SLC17A6: variants seen among roughly 807,000 people sequenced by gnomAD.
The protein encoded by SLC17A6 is vesicular glutamate transporter 2.
In SLC17A6, 35 loss-of-function variants were observed where a neutral mutation model predicts 67.1. The ratio of observed to expected loss-of-function variants is 0.52; its 90% CI spans 0.40 to 0.69. The LOEUF (loss-of-function observed/expected upper bound fraction) is 0.69. Among genes scored for constraint, SLC17A6 ranks in the 30% least tolerant of loss-of-function variants. SLC17A6 has a pLI of 0.00. For synonymous variants in SLC17A6, 285 were observed against 252.3 expected (o/e 1.13, Z -1.23); for missense variants, 588 against 723.9 (o/e 0.81, Z 2.15).
rs192785220 is a variant in SLC17A6 at position 22,369,071 on chromosome 11, C to G, written c.892-968C>G. 5.8e-4 allele frequency among the ~76,000 whole-genome samples: 74 copies of G among 126,530 alleles called. No homozygotes were observed. The East Asian group carries it at 0.014, about 24-fold the overall frequency. 83.0% of individuals were successfully genotyped at this position (126,530 alleles called of 152,430 possible). ...CGTGAAAGGTGTTTGCTTCCTCTTT[C>G]AGTAATTTAGTTAGGTCAAGGATCC... On this transcript the variant is annotated intron_variant, in intron 7 of 11. Transcript: ENST00000263160.
rs537182564 is a variant in SLC17A6, at chr11:22,360,530, C to G, written c.574-367C>G. Among the ~76,000 whole-genome samples, 9 of 137,890 alleles carry G rather than the reference C, an allele frequency of 6.5e-5. No individual in the cohort carries two copies. The East Asian group carries it at 8.5e-4, about 13-fold the overall frequency. The allele number at this position is 137,890 out of a possible 152,430, so 90.5% of individuals were successfully genotyped here. On this transcript the variant is annotated intron_variant, in intron 4 of 11. Coordinates refer to ENST00000263160, the MANE Select transcript of SLC17A6 (RefSeq NM_020346.3). ...AACCAAAAAACCCGCTCTCCTTCCCCCCCCCCCAAAAAAAAGATAGGTTCA... is the reference window on the plus strand; with the variant it reads ...AACCAAAAAACCCGCTCTCCTTCCCGCCCCCCCAAAAAAAAGATAGGTTCA...
At chr11:22,353,814 T>C (rs1855967836) in intron 3 of SLC17A6, among the ~76,000 whole-genome samples, 1 of 152,252 alleles carries the variant, frequency 6.6e-6, no homozygotes, top group South Asian at 2.1e-4. Flanking sequence ...CTTTGTTTTT[T>C]CTAGGTCTGG....
chr11:22,341,563 T>C lies in SLC17A6; in HGVS notation c.122T>C (p.Ile41Thr), dbSNP rs769584701. 1 of 1,613,850 alleles carries C rather than the reference T, an allele frequency of 6.2e-7. No homozygotes were observed. The highest frequency in any genetic ancestry group is 1.7e-5 in the Admixed American group (1 of 60,016). Residue 41 changes from isoleucine (I) to threonine (T), a missense_variant, in exon 2 of 12, where the codon ATC becomes ACC. Around this residue, in one of 4 missense-constraint regions of SLC17A6, gnomAD observed 117 missense variants for 98.7 expected, o/e 1.19. Coordinates refer to ENST00000263160, the MANE Select transcript of SLC17A6 (RefSeq NM_020346.3). The stretch of plus-strand genomic sequence containing the variant: ...AAGAAGCAAGACACCGGGGAGACAA[T>C]CGAGCTGACGGAGGATGGGAAGCCC... ...LEKKQDTGET[I>T]ELTEDGKPLE...
At chr11:22,343,535 C>T (rs1855843321) in intron 3 of SLC17A6, among the ~76,000 whole-genome samples, 170 bp downstream of exon 3, 1 of 152,176 alleles carries the variant, frequency 6.6e-6, no homozygotes, top group African/African-American at 2.4e-5. Context: ...TGACTCCTTC[C>T]TGAATTAGTC....
In SLC17A6 at chr11:22,365,621, A is replaced by G. The variant is rs1856102996; in HGVS notation, c.823A>G (p.Thr275Ala). Residue 275 changes from threonine (T) to alanine (A), a missense_variant, in exon 7 of 12, where the codon ACA (threonine) becomes GCA (alanine). This residue lies in a region of SLC17A6 where 414 missense variants were observed against 563.4 expected (regional missense o/e 0.73). Transcript: ENST00000263160. The part of the protein sequence containing the change: ...YESPAKHPTI[T>A]DEERRYIEES... ...AAGTCCTGCAAAGCATCCTACTATT[A>G]CAGATGAAGAACGTAGGTACATAGA... 1.2e-6 allele frequency: 2 copies of G among 1,613,796 alleles called. No homozygotes were observed. The highest frequency in any genetic ancestry group is 1.3e-5 in the African/African-American group (1 of 74,908).
At chr11:22,349,858 A>G (rs1382893010) in intron 3 of SLC17A6, among the ~76,000 whole-genome samples, 1 of 152,200 alleles carries the variant, frequency 6.6e-6, no homozygotes, top group Non-Finnish European at 1.5e-5. Context: ...ATTAGATTAA[A>G]TAGATTAAAC....
At chr11:22,347,134 T>A (rs1855886182) in intron 3 of SLC17A6, among the ~76,000 whole-genome samples, 1 of 152,052 alleles carries the variant, frequency 6.6e-6, no homozygotes, top group Non-Finnish European at 1.5e-5. Flanking sequence ...GTTTTGCCCA[T>A]GTTGTTGTTT....
intron 3 of SLC17A6, among the ~76,000 whole-genome samples, chr11:22,352,762 T>C (rs1416750242): frequency 6.6e-6 from 1 of 152,038 alleles, no homozygotes; most frequent in Non-Finnish European, 1.5e-5. Context: ...TTTTTGAGGG[T>C]GGGGGCATGA....
At chr11:22,360,394 T>C (rs963629383) in intron 4 of SLC17A6, among the ~76,000 whole-genome samples, 4 of 151,862 alleles carry the variant, frequency 2.6e-5, no homozygotes, top group Non-Finnish European at 5.9e-5. Context: ...ACGTAGGTGA[T>C]GGGTTGATAG....
intron 4 of SLC17A6, among the ~76,000 whole-genome samples, chr11:22,359,885 A>G (rs932230229): frequency 5.9e-5 from 9 of 152,104 alleles, no homozygotes; most frequent in Non-Finnish European, 1.2e-4. Context: ...GGAGTTTTAT[A>G]CTAAGTAAGT....
chr11:22,369,433 T>C (rs780278390), intron 7 of SLC17A6, among the ~76,000 whole-genome samples: 3 of 152,046 alleles, frequency 2.0e-5, no homozygotes, highest in Non-Finnish European at 4.4e-5. Flanking sequence ...TTCTGAGTTT[T>C]ATAGAACCTT....
intron 3 of SLC17A6, among the ~76,000 whole-genome samples, chr11:22,349,042 A>G (rs143775357): frequency 6.6e-6 from 1 of 152,216 alleles, no homozygotes; most frequent in Non-Finnish European, 1.5e-5. Context: ...ACACACACGG[A>G]CACACAAACA....
rs1301677094 is a variant in SLC17A6, at chr11:22,377,417, T to C, written c.1426T>C (p.Trp476Arg). The change falls in exon 12 of 12, where the codon TGG becomes CGG. Residue 476 changes from tryptophan to arginine, a missense_variant. By Grantham distance (101) the Trp-to-Arg change is moderately radical. Transcript: ENST00000263160. ...AMTKNKSREE[W>R]QYVFLIAALV... ...TTTCTCACTGCAGTCACGTGAAGAG[T>C]GGCAGTATGTCTTCCTGATCGCTGC... 6.2e-7 allele frequency: 1 copy of C among 1,607,256 alleles called. No individual in the cohort carries two copies. The highest frequency in any genetic ancestry group is 8.5e-7 in the Non-Finnish European group (1 of 1,175,172).
chr11:22,346,701 A>AT (rs746462738), intron 3 of SLC17A6, among the ~76,000 whole-genome samples: 333 of 152,002 alleles, frequency 2.2e-3, no homozygotes, highest in Non-Finnish European at 3.9e-3. Context: ...ACATCGGCTT[A>AT]TAGTAATCCA....
chr11:22,347,748 T>G (rs1210659086), intron 3 of SLC17A6, among the ~76,000 whole-genome samples: 1 of 152,216 alleles, frequency 6.6e-6, no homozygotes, highest in Non-Finnish European at 1.5e-5. Flanking sequence ...AAAAATATTT[T>G]TAGCCAAGTG....
At chr11:22,359,569 G>T (rs780376688) in intron 4 of SLC17A6, 42 bp downstream of exon 4, 2 of 1,282,778 alleles carry the variant, frequency 1.6e-6, no homozygotes, top group East Asian at 2.5e-5. Flanking sequence ...ATTGGCATTT[G>T]GTTGAGAACC....
chr11:22,363,220 G>A (rs1306725093), intron 6 of SLC17A6, among the ~76,000 whole-genome samples: 2 of 143,526 alleles, frequency 1.4e-5, no homozygotes, highest in Admixed American at 1.4e-4. Flanking sequence ...GAATGGGGGT[G>A]GAAAGCTGAA....
chr11:22,351,277 G>A lies in SLC17A6; in HGVS notation c.458+7912G>A, dbSNP rs560143109. Among the ~76,000 whole-genome samples the A allele has an allele frequency of 3.3e-5, 5 of 152,048 alleles. No homozygotes were observed. The South Asian group carries it at 6.2e-4, about 19-fold the overall frequency. The stretch of plus-strand genomic sequence containing the variant: ...TCAGATTCAAGGGATACATGTACAG[G>A]CTTGTCATGTGGATAGATTGTGTAA... On this transcript the variant is annotated intron_variant, in intron 3 of 11. Transcript: ENST00000263160.
At position 22,370,187 on chromosome 11, in the gene SLC17A6, A is replaced by G; in HGVS notation, c.1040A>G (p.Lys347Arg). ...FEEVFGFEISKVGMLSAVPHL... is the reference protein window; with the variant it reads ...FEEVFGFEISRVGMLSAVPHL... Reference sequence around the variant, plus strand: ...GAAGTCTTTGGATTTGAAATTAGCAAGGTATGTAAAATGTATTCTTATATA... The same window carrying G: ...GAAGTCTTTGGATTTGAAATTAGCAGGGTATGTAAAATGTATTCTTATATA... The change falls in exon 8 of 12, where the codon AAG becomes AGG. Residue 347 changes from lysine (K) to arginine (R), a missense_variant and splice_region_variant. Physicochemically the swap from Lys to Arg is conservative, Grantham distance 26. This residue lies in a region of SLC17A6 where 414 missense variants were observed against 563.4 expected (regional missense o/e 0.73). Coordinates refer to ENST00000263160, the MANE Select transcript of SLC17A6 (RefSeq NM_020346.3). 1 of 1,602,350 alleles carries G rather than the reference A, an allele frequency of 6.2e-7. No homozygotes were observed. The highest frequency in any genetic ancestry group is 1.1e-5 in the South Asian group (1 of 87,786).
Sources: gnomAD v4.1 joint callset for allele counts (sites outside exome capture counted in the v4.1 genomes callset) on GRCh38, gnomAD v4.1.1 for gene constraint, gnomAD v4.1.1 regional missense constraint, MANE v1.5 for transcripts, NCBI Gene and HGNC (gene_info 2026-07-23, HGNC 2026-07-21) for gene names.